Variants in MED27 observed in about 807,000 individuals in gnomAD.
The protein encoded by MED27 is mediator of RNA polymerase II transcription subunit 27.
MED27 carries 30 observed loss-of-function variants against 38.2 expected under a neutral mutation model. The observed-to-expected ratio is 0.79, with a 90% confidence interval of 0.59 to 1.07. The LOEUF is 1.07. MED27 is among the 50% of genes least tolerant of loss of function. MED27 has a pLI of 0.00. For missense variants in MED27, 289 were observed against 397.5 expected (o/e 0.73, Z 2.32); for synonymous variants, 122 against 153.5 (o/e 0.79, Z 1.52).
At chr9:131,881,613 C>G (rs1317178504) in intron 6 of MED27, among the ~76,000 whole-genome samples, 1 of 152,106 alleles carries the variant, frequency 6.6e-6, no homozygotes, top group Admixed American at 6.5e-5. Flanking sequence ...ATAGACAGTT[C>G]CCATGTCCCT....
intron 4 of MED27, among the ~76,000 whole-genome samples, chr9:131,900,329 G>A (rs988298080): frequency 2.0e-5 from 3 of 152,212 alleles, no homozygotes; most frequent in African/African-American, 7.2e-5. Context: ...TGTATTCCAC[G>A]AAGAGAATTT....
chr9:132,079,816 T>G lies in MED27; in HGVS notation c.29A>C (p.Asn10Thr), dbSNP rs753932121. 1.2e-6 allele frequency: 2 copies of G among 1,609,048 alleles called. No individual in the cohort carries two copies. The highest frequency in any genetic ancestry group is 1.7e-6 in the Non-Finnish European group (2 of 1,177,806). ...AATGGCCTGGGAAAAGGCCTCCAGG[T>G]TCACACTGACATTTATCACGTCCGC... MADVINVSV[N>T]LEAFSQAISA... The change falls in exon 1 of 8, where the codon AAC (asparagine) becomes ACC (threonine). Residue 10 changes from asparagine (N) to threonine (T), a missense_variant. Transcript: ENST00000292035.
chr9:132,073,639 C>T, intron 2 of MED27: 1 of 1,454,524 alleles, frequency 6.9e-7, no homozygotes, highest in South Asian at 1.4e-5. Flanking sequence ...GTAACTTAGT[C>T]ATTAAGCAAC....
At chr9:131,875,562 A>C (rs1031821954) in intron 6 of MED27, among the ~76,000 whole-genome samples, 1 of 152,226 alleles carries the variant, frequency 6.6e-6, no homozygotes, top group Admixed American at 6.5e-5. Flanking sequence ...TCAGGACAAG[A>C]GAGTGTCACC....
intron 2 of MED27, among the ~76,000 whole-genome samples, chr9:132,050,583 C>T (rs777809956): frequency 6.6e-6 from 1 of 152,206 alleles, no homozygotes; most frequent in African/African-American, 2.4e-5. Flanking sequence ...ATATCAAGAG[C>T]CCCTTTTGTG....
chr9:131,867,362 A>G (rs1355439021), intron 6 of MED27, among the ~76,000 whole-genome samples: 1 of 152,190 alleles, frequency 6.6e-6, no homozygotes, highest in Admixed American at 6.5e-5. Context: ...CTCATCCTTG[A>G]GTGACACAGC....
At chr9:131,885,852 G>A (rs1839130495) in intron 5 of MED27, among the ~76,000 whole-genome samples, 3 of 152,126 alleles carry the variant, frequency 2.0e-5, no homozygotes, top group Non-Finnish European at 4.4e-5. Context: ...TGTCCCATAG[G>A]TGCTAAAAAG....
chr9:131,985,690 T>G (rs536923247), intron 3 of MED27, among the ~76,000 whole-genome samples: 1 of 151,272 alleles, frequency 6.6e-6, no homozygotes, highest in Admixed American at 6.6e-5. Context: ...GTACTATAAT[T>G]TTAATTGTTT....
chr9:131,895,965 C>T (rs2131507621), intron 4 of MED27, among the ~76,000 whole-genome samples: 1 of 150,400 alleles, frequency 6.6e-6, no homozygotes, highest in South Asian at 2.1e-4. Context: ...GTGGTGTGAT[C>T]TCGGCTCACT....
chr9:132,059,933 C>A (rs1365817531), intron 2 of MED27, among the ~76,000 whole-genome samples: 1 of 152,144 alleles, frequency 6.6e-6, no homozygotes, highest in African/African-American at 2.4e-5. Flanking sequence ...GGTTAGCTCA[C>A]TGAGTCTTCA....
At chr9:131,909,490 C>G (rs1462027104) in intron 4 of MED27, among the ~76,000 whole-genome samples, 4 of 152,182 alleles carry the variant, frequency 2.6e-5, no homozygotes, top group Admixed American at 2.6e-4. Flanking sequence ...CAGGACTGTC[C>G]TCTTGATAAG....
At chr9:132,040,985 C>T (rs1411971553) in intron 2 of MED27, among the ~76,000 whole-genome samples, 6 of 152,178 alleles carry the variant, frequency 3.9e-5, no homozygotes, top group Admixed American at 3.3e-4. Context: ...AGAGGCAAGG[C>T]GTACAATTTA....
intron 6 of MED27, among the ~76,000 whole-genome samples, 200 bp from the exon 7 acceptor site, chr9:131,863,340 G>A (rs1231798516): frequency 2.6e-5 from 4 of 152,246 alleles, no homozygotes; most frequent in Non-Finnish European, 5.9e-5. Context: ...GCTGTCGGCA[G>A]AAAGGATGCA....
At chr9:132,056,142 T>A (rs1384636914) in intron 2 of MED27, among the ~76,000 whole-genome samples, 3 of 152,224 alleles carry the variant, frequency 2.0e-5, no homozygotes, top group Non-Finnish European at 4.4e-5. Flanking sequence ...TCCATCAAAA[T>A]AACTATGGCA....
chr9:131,930,291 G>A (rs1830561615), intron 4 of MED27, among the ~76,000 whole-genome samples: 1 of 152,172 alleles, frequency 6.6e-6, no homozygotes, highest in African/African-American at 2.4e-5. Flanking sequence ...ACCTGAAGTA[G>A]ACTACCTCAA....
intron 3 of MED27, among the ~76,000 whole-genome samples, chr9:131,996,188 A>C (rs902339697): frequency 1.3e-5 from 2 of 152,232 alleles, no homozygotes; most frequent in African/African-American, 4.8e-5. Context: ...GCTCGTAAGA[A>C]GCAGGGGCTG....
At chr9:131,915,925 T>C (rs1169050158) in intron 4 of MED27, among the ~76,000 whole-genome samples, 1 of 152,232 alleles carries the variant, frequency 6.6e-6, no homozygotes, top group Non-Finnish European at 1.5e-5. Context: ...TCAGGTTACT[T>C]ACGATGATGA....
chr9:131,979,225 C>T (rs1258643241), intron 3 of MED27, among the ~76,000 whole-genome samples: 2 of 152,096 alleles, frequency 1.3e-5, no homozygotes, highest in African/African-American at 4.8e-5. Context: ...GCAGCAGACC[C>T]AATCTAGGTC....
chr9:131,980,848 A>G (rs1301217970), intron 3 of MED27, among the ~76,000 whole-genome samples: 9 of 152,208 alleles, frequency 5.9e-5, no homozygotes, highest in Non-Finnish European at 7.4e-5. Context: ...CGCAGCAGAC[A>G]GCAGGCAGCA....
Sources: gnomAD v4.1 joint callset for allele counts (sites outside exome capture counted in the v4.1 genomes callset) on GRCh38, gnomAD v4.1.1 for gene constraint, MANE v1.5 for transcripts, NCBI Gene and HGNC (gene_info 2026-07-23, HGNC 2026-07-21) for gene names.